Variants in STK32B observed in about 807,000 individuals in gnomAD.
STK32B encodes the protein serine/threonine kinase 32B, also known as serine/threonine-protein kinase 32B.
Under a neutral mutation model 52.6 loss-of-function variants are expected in STK32B, and 43 were observed. The ratio of observed to expected loss-of-function variants is 0.82; its 90% confidence interval spans 0.64 to 1.05. The LOEUF is 1.05. STK32B is among the 50% of genes least tolerant of loss of function. The pLI is 0.00. For missense variants in STK32B, 621 were observed against 534.6 expected (o/e 1.16, Z -1.59); for synonymous variants, 238 against 204.3 (o/e 1.17, Z -1.41).
intron 3 of STK32B, among the ~76,000 whole-genome samples, chr4:5,184,695 A>AAAAAAAAAG (rs58321341): frequency 0.045 from 6,215 of 136,782 alleles, 291 homozygotes; most frequent in Admixed American, 0.12. Context: ...AAAAAAAAAA[A>AAAAAAAAAG]AAGAAGAAGA....
intron 3 of STK32B, among the ~76,000 whole-genome samples, chr4:5,169,941 A>G (rs1248755899): frequency 1.3e-5 from 2 of 152,200 alleles, no homozygotes; most frequent in African/African-American, 2.4e-5. Context: ...TGTTATTGAT[A>G]TATAAACATT....
Position 5,398,690 on chromosome 4 carries a change from A to C in STK32B, c.472+446A>C, listed in dbSNP as rs1191063745. The stretch of plus-strand genomic sequence containing the variant: ...CACTCATTTCTAGCAAGCAGAGCTT[A>C]ATACTTGATAATCCACTAAGCATTT... On this transcript the variant is annotated intron_variant, in intron 5 of 11. Coordinates refer to ENST00000282908, the MANE Select transcript of STK32B (RefSeq NM_018401.3). This position sits in a 1 kb window ranked among gnomAD's most constrained non-coding sequence, Gnocchi z 4.9. Among the ~76,000 whole-genome samples, 1 of 152,224 alleles carries C rather than the reference A, an allele frequency of 6.6e-6. No individual in the cohort carries two copies. Among genetic ancestry groups the C allele is most frequent in the Non-Finnish European group, 1.5e-5 (1 of 68,026 alleles).
intron 4 of STK32B, among the ~76,000 whole-genome samples, chr4:5,341,071 T>A (rs936720385): frequency 1.3e-5 from 2 of 152,170 alleles, no homozygotes; most frequent in Admixed American, 6.5e-5. Flanking sequence ...CCCTTATTGT[T>A]CAAATTGCAC....
In STK32B at chr4:5,498,958, C is replaced by T; in HGVS notation, c.1120C>T (p.Gln374Ter). 2.5e-6 allele frequency: 4 copies of T among 1,612,190 alleles called. No individual in the cohort carries two copies. The highest frequency in any genetic ancestry group is 3.4e-6 in the Non-Finnish European group (4 of 1,178,934). ...GCTTGTTTGCAGGCTCAGGAGGCAG[C>T]AGGGACAGGGCAGCCAGCTCTTGGA... The part of the protein sequence containing the change: ...IFNREKLRRQ[Q>*]GQGSQLLDTD... The change falls in exon 12 of 12, where the codon CAG becomes TAG. Residue 374 changes from glutamine to a stop codon, truncating the protein, a stop_gained. Coordinates refer to ENST00000282908, the MANE Select transcript of STK32B (RefSeq NM_018401.3). LOFTEE classifies it high-confidence loss of function.
At chr4:5,228,936 C>T (rs929488462) in intron 3 of STK32B, among the ~76,000 whole-genome samples, 2 of 151,936 alleles carry the variant, frequency 1.3e-5, no homozygotes, top group African/African-American at 2.4e-5. Flanking sequence ...CATTGCACTC[C>T]AGCTTGGGTG....
In STK32B at chr4:5,251,340, A is replaced by T. The variant is rs149461564; in HGVS notation, c.261-79880A>T. Among the ~76,000 whole-genome samples, 855 of 152,178 alleles carry T rather than the reference A, an allele frequency of 5.6e-3. 10 individuals carry two copies. The highest frequency in any genetic ancestry group is 3.9e-3 in the Non-Finnish European group (263 of 68,008). On this transcript the variant is annotated intron_variant, in intron 3 of 11. Coordinates refer to ENST00000282908, the MANE Select transcript of STK32B (RefSeq NM_018401.3). ...TCCCAGCACCATTTGTTGAATAGGG[A>T]TTCCTTTCCTTACTGCTTGTTTTTG... is the stretch of plus-strand genomic sequence containing the variant.
At chr4:5,256,760 A>G (rs533881122) in intron 3 of STK32B, among the ~76,000 whole-genome samples, 5 of 152,222 alleles carry the variant, frequency 3.3e-5, no homozygotes, top group Non-Finnish European at 7.3e-5. Flanking sequence ...CTCTGGGCAC[A>G]AGATGGACTA....
intron 3 of STK32B, among the ~76,000 whole-genome samples, chr4:5,291,345 T>A (rs1728881858): frequency 6.6e-6 from 1 of 152,164 alleles, no homozygotes; most frequent in Non-Finnish European, 1.5e-5. Context: ...TGATGTTTTG[T>A]AGTTTTCAGT....
intron 11 of STK32B, among the ~76,000 whole-genome samples, chr4:5,471,124 C>T (rs768618670): frequency 6.6e-6 from 1 of 152,230 alleles, no homozygotes; most frequent in Admixed American, 6.5e-5. Context: ...GCCACAGTCC[C>T]AGGGGGACAA....
At chr4:5,208,577 G>A (rs181452146) in intron 3 of STK32B, among the ~76,000 whole-genome samples, 2 of 152,290 alleles carry the variant, frequency 1.3e-5, no homozygotes, top group Non-Finnish European at 2.9e-5. Flanking sequence ...TCACTCAGCT[G>A]GTAGGACTTG....
intron 3 of STK32B, among the ~76,000 whole-genome samples, chr4:5,277,002 A>C (rs1727866275): frequency 6.6e-6 from 1 of 152,204 alleles, no homozygotes. Context: ...TGAACGCCAG[A>C]TTTTGGAATG....
intron 3 of STK32B, among the ~76,000 whole-genome samples, chr4:5,187,454 C>T (rs1463383730): frequency 1.3e-5 from 2 of 152,150 alleles, no homozygotes; most frequent in South Asian, 2.1e-4. Flanking sequence ...GTTACTGTCT[C>T]GTTTACAGCT....
In STK32B at chr4:5,410,159, AATT is replaced by A. The variant is rs1214289928; in HGVS notation, c.473-6678_473-6676del. ...ATCAGCGCCCACGGCTCCAAAGTGC[AATT>A]ATTATTAGCAGAGAGCCAGGGTTGC... On this transcript the variant is annotated intron_variant, in intron 5 of 11. Transcript: ENST00000282908. Among the ~76,000 whole-genome samples the A allele has an allele frequency of 2.0e-5, 3 of 152,312 alleles. No individual in the cohort carries two copies. The East Asian group carries it at 5.8e-4, about 29-fold the overall frequency.
chr4:5,235,246 C>T (rs1214152420), intron 3 of STK32B, among the ~76,000 whole-genome samples: 8 of 152,184 alleles, frequency 5.3e-5, no homozygotes, highest in African/African-American at 1.9e-4. Flanking sequence ...ATGCTGTGTA[C>T]ACTGCACATG....
chr4:5,493,370 G>A (rs1577062215), intron 11 of STK32B, among the ~76,000 whole-genome samples: 1 of 152,128 alleles, frequency 6.6e-6, no homozygotes, highest in Non-Finnish European at 1.5e-5. Flanking sequence ...TTTGCGTAGA[G>A]GTGTTTGTAG....
At chr4:5,265,155 T>A (rs1189013940) in intron 3 of STK32B, among the ~76,000 whole-genome samples, 3 of 152,232 alleles carry the variant, frequency 2.0e-5, no homozygotes, top group African/African-American at 7.2e-5. Context: ...GTTCCAGTCC[T>A]AAATGTCAGA....
chr4:5,316,868 T>A (rs547906051), intron 3 of STK32B, among the ~76,000 whole-genome samples: 3 of 4,956 alleles, frequency 6.1e-4, no homozygotes, highest in African/African-American at 5.2e-3. Flanking sequence ...ATATTATATA[T>A]TATATATAAT....
chr4:5,354,171 G>A (rs181030613), intron 4 of STK32B, among the ~76,000 whole-genome samples: 1 of 152,194 alleles, frequency 6.6e-6, no homozygotes, highest in East Asian at 1.9e-4. Flanking sequence ...TCATGTGCAA[G>A]AGCTGAAAAT....
In STK32B at chr4:5,479,099, TTTTG is replaced by T. The variant is rs796162452; in HGVS notation, c.1106+11041_1106+11044del. ...TTCTTTGTTCTTGTTTTTTGTTGGT[TTTTG>T]TTTGTTTGTTTTTGTTTTTGTTTTT... On this transcript the variant is annotated intron_variant, in intron 11 of 11. Coordinates refer to ENST00000282908, the MANE Select transcript of STK32B (RefSeq NM_018401.3). Among the ~76,000 whole-genome samples the T allele has an allele frequency of 7.6e-4, 112 of 146,670 alleles. 1 individual carries two copies. The Middle Eastern group carries it at 0.014, about 18-fold the overall frequency.
Sources: allele counts gnomAD v4.1 joint callset (sites outside exome capture counted in the v4.1 genomes callset), GRCh38; gene constraint gnomAD v4.1.1; non-coding constraint Gnocchi (gnomAD v3.1); transcripts MANE v1.5; gene names NCBI Gene and HGNC (gene_info 2026-07-23, HGNC 2026-07-21).